Variants in SGCD observed in about 807,000 individuals in gnomAD.
SGCD encodes delta-sarcoglycan.
SGCD carries 18 observed loss-of-function variants against 36.6 expected under a neutral mutation model. That is an observed-to-expected ratio of 0.49 (90% CI 0.34 to 0.73). The LOEUF (loss-of-function observed/expected upper bound fraction) is 0.73, where lower values mean the gene tolerates loss of function less well. Among genes scored for constraint, SGCD ranks in the 30% least tolerant of loss-of-function variants. The pLI is 0.01. For synonymous variants in SGCD, 133 were observed against 130.6 expected (o/e 1.02, Z -0.12); for missense variants, 387 against 346.7 (o/e 1.12, Z -0.92).
rs573410808 is a variant in SGCD, at chr5:155,997,933, T to C, written c.-281-119945T>C. ...GTCAATCATTCCACAGCATCTTACA[T>C]TGGATTTGAACTTTCCCATTGCTTA... On this transcript the variant is annotated intron_variant, in intron 1 of 9. Coordinates refer to the SGCD transcript ENST00000517913. Among the ~76,000 whole-genome samples, 7 of 152,304 alleles carry C rather than the reference T, an allele frequency of 4.6e-5. No homozygotes were observed. In the South Asian group the frequency reaches 1.4e-3, roughly 32 times the overall value.
chr5:156,313,614 C>T (rs1222337902), intron 3 of SGCD, among the ~76,000 whole-genome samples: 4 of 151,962 alleles, frequency 2.6e-5, no homozygotes, highest in East Asian at 1.9e-4. Flanking sequence ...TAAGTACCTC[C>T]GAATGTCTGT....
chr5:156,131,660 A>C (rs1331519899), intron 3 of SGCD, among the ~76,000 whole-genome samples: 2 of 152,222 alleles, frequency 1.3e-5, no homozygotes, highest in East Asian at 3.8e-4. Context: ...AAGAATTTGC[A>C]ACCTTGGAAT....
rs577500499 is a variant in SGCD, at chr5:156,200,807, T to G, written c.-44+76788T>G. 3.3e-5 allele frequency among the ~76,000 whole-genome samples: 5 copies of G among 152,308 alleles called. No homozygotes were observed. The East Asian group carries it at 5.8e-4, about 18-fold the overall frequency. On this transcript the variant is annotated intron_variant, in intron 3 of 9. Coordinates refer to the SGCD transcript ENST00000517913. ...CACACACCTATGTTCTTTGTAGTTT[T>G]ATTCACAATAGCTGATACGTGAAAG...
intron 3 of SGCD, among the ~76,000 whole-genome samples, chr5:156,380,394 T>A (rs1469799318): frequency 6.6e-6 from 1 of 152,340 alleles, no homozygotes; most frequent in East Asian, 1.9e-4. Context: ...AAATACAACC[T>A]TCCTCCTACA....
chr5:155,887,812 A>G (rs1168577758), intron 1 of SGCD, among the ~76,000 whole-genome samples: 1 of 152,202 alleles, frequency 6.6e-6, no homozygotes, highest in African/African-American at 2.4e-5. Flanking sequence ...ATTCATTATA[A>G]TACCAATAAT....
intron 3 of SGCD, among the ~76,000 whole-genome samples, chr5:156,146,254 A>G (rs866689633): frequency 2.0e-5 from 3 of 152,186 alleles, no homozygotes; most frequent in Non-Finnish European, 4.4e-5. Context: ...TTTGCTTTAG[A>G]GGTTATGACA....
intron 3 of SGCD, among the ~76,000 whole-genome samples, chr5:156,172,395 G>C (rs7732153): frequency 0.74 from 112,330 of 152,222 alleles, 42,626 homozygotes; most frequent in East Asian, 0.95. Context: ...TGCTCTCAAC[G>C]AGGAAGTCGG....
rs951525134 is a variant in SGCD at position 156,751,280 on chromosome 5, T to A, written c.576-6301T>A. On this transcript the variant is annotated intron_variant, in intron 7 of 8. Transcript: ENST00000337851. ...AACATATGTTGAGATAATCTCCATC[T>A]CTTTTGACCCCAACCTCAGACTATA... 4.6e-4 allele frequency among the ~76,000 whole-genome samples: 70 copies of A among 151,644 alleles called. 3 individuals are homozygous for A. The highest frequency in any genetic ancestry group is 7.3e-5 in the Non-Finnish European group (5 of 68,034).
intron 3 of SGCD, among the ~76,000 whole-genome samples, chr5:156,127,252 T>C (rs1018886838): frequency 6.6e-6 from 1 of 152,118 alleles, no homozygotes; most frequent in African/African-American, 2.4e-5. Context: ...AAAAAATAGA[T>C]ATAAAATTAA....
At chr5:155,855,921 A>C in the SGCD span, among the ~76,000 whole-genome samples, 1 of 152,184 alleles carries the variant, frequency 6.6e-6, no homozygotes, top group African/African-American at 2.4e-5. Context: ...ACTGTATTCC[A>C]TATGTTAAGG....
intron 3 of SGCD, among the ~76,000 whole-genome samples, chr5:156,168,306 G>T (rs1561547528): frequency 6.6e-6 from 1 of 151,870 alleles, no homozygotes; most frequent in Non-Finnish European, 1.5e-5. Context: ...TGTAGAATTT[G>T]ATTTCCTTCC....
At chr5:156,561,466 G>C (rs1325441829) in intron 4 of SGCD, among the ~76,000 whole-genome samples, 1 of 152,222 alleles carries the variant, frequency 6.6e-6, no homozygotes, top group Middle Eastern at 3.2e-3. Flanking sequence ...GCAACTTTGT[G>C]TTAGCCCTAT....
intron 1 of SGCD, among the ~76,000 whole-genome samples, chr5:155,972,345 A>G (rs1344137757): frequency 6.6e-6 from 1 of 152,154 alleles, no homozygotes; most frequent in Non-Finnish European, 1.5e-5. Context: ...AATAATAATT[A>G]TTATCATCAT....
chr5:156,553,051 G>A (rs60716901), intron 4 of SGCD, among the ~76,000 whole-genome samples: 5,643 of 152,278 alleles, frequency 0.037, 230 homozygotes, highest in African/African-American at 0.095. Context: ...CTTCCAAAAG[G>A]CGAAGGGCAG....
intron 3 of SGCD, among the ~76,000 whole-genome samples, chr5:156,212,443 A>G (rs367921474): frequency 1.8e-4 from 28 of 152,320 alleles, no homozygotes; most frequent in Middle Eastern, 6.8e-3. Context: ...TCATCAAGAG[A>G]TTATAATAAT....
At chr5:156,112,864 G>A (rs1761820909) in intron 1 of SGCD, among the ~76,000 whole-genome samples, 1 of 152,156 alleles carries the variant, frequency 6.6e-6, no homozygotes, top group South Asian at 2.1e-4. Flanking sequence ...CCTGCTGTGT[G>A]TATGTGTTTT....
intron 1 of SGCD, among the ~76,000 whole-genome samples, chr5:156,088,970 A>G (rs373477326): frequency 2.6e-5 from 4 of 152,018 alleles, no homozygotes; most frequent in African/African-American, 7.2e-5. Flanking sequence ...GATCCAGTCC[A>G]TTTTTCAGCC....
At chr5:156,413,364 T>C (rs1772871466) in intron 3 of SGCD, among the ~76,000 whole-genome samples, 1 of 152,196 alleles carries the variant, frequency 6.6e-6, no homozygotes, top group Non-Finnish European at 1.5e-5. Flanking sequence ...AGCTGTTACA[T>C]AGGGATACAG....
chr5:155,901,359 A>C (rs1756386230), intron 1 of SGCD, among the ~76,000 whole-genome samples: 1 of 152,096 alleles, frequency 6.6e-6, no homozygotes, highest in Admixed American at 6.6e-5. Context: ...TTGATTCTAA[A>C]TAGCCAGGAG....
Sources: allele counts gnomAD v4.1 joint callset (sites outside exome capture counted in the v4.1 genomes callset), GRCh38; gene constraint gnomAD v4.1.1; transcripts MANE v1.5; gene names NCBI Gene and HGNC (gene_info 2026-07-23, HGNC 2026-07-21).